MAF: variants seen among roughly 807,000 people sequenced by gnomAD.
MAF encodes the protein MAF bZIP transcription factor.
A neutral mutation model predicts 22.0 loss-of-function variants in MAF; 10 were observed. The ratio of observed to expected loss-of-function variants is 0.45; its 90% CI spans 0.28 to 0.77. The LOEUF is 0.77. Among genes scored for constraint, MAF ranks in the 30% least tolerant of loss-of-function variants. The pLI is 0.12. For synonymous variants in MAF, 337 were observed against 255.8 expected (o/e 1.32, Z -3.03); for missense variants, 544 against 548.4 (o/e 0.99, Z 0.08).
the MAF span, among the ~76,000 whole-genome samples, chr16:79,537,209 G>C: frequency 6.6e-6 from 1 of 152,198 alleles, no homozygotes; most frequent in Non-Finnish European, 1.5e-5. Flanking sequence ...AGATAGCACA[G>C]AGTCACACTC....
the MAF span, among the ~76,000 whole-genome samples, chr16:79,570,300 C>A: frequency 2.0e-5 from 3 of 152,064 alleles, no homozygotes; most frequent in South Asian, 2.1e-4. Flanking sequence ...GTCCTGTTAT[C>A]CCCCCATCCC....
At chr16:79,475,277 AT>A in the MAF span, among the ~76,000 whole-genome samples, 6 of 151,546 alleles carry the variant, frequency 4.0e-5, no homozygotes, top group African/African-American at 1.5e-4. Flanking sequence ...ATAAGAAAAA[AT>A]ATATATATTA....
At chr16:79,442,474 C>T in the MAF span, among the ~76,000 whole-genome samples, 5 of 151,800 alleles carry the variant, frequency 3.3e-5, no homozygotes, top group East Asian at 1.9e-4. Context: ...TGGGCTCAAG[C>T]GATCCTCCCA....
At chr16:79,210,242 A>G in the MAF span, among the ~76,000 whole-genome samples, 17,319 of 152,210 alleles carry the variant, frequency 0.11, 1,361 homozygotes, top group African/African-American at 0.22. Flanking sequence ...AAACCAAACA[A>G]CAATGACAAC....
the MAF span, among the ~76,000 whole-genome samples, chr16:79,546,081 TG>T: frequency 1.3e-5 from 2 of 151,980 alleles, no homozygotes; most frequent in African/African-American, 4.8e-5. Flanking sequence ...ATCACTACAT[TG>T]GAAAAAATAA....
At chr16:79,215,172 G>T in the MAF span, among the ~76,000 whole-genome samples, 1 of 152,122 alleles carries the variant, frequency 6.6e-6, no homozygotes, top group Non-Finnish European at 1.5e-5. Flanking sequence ...TGATTTCAAG[G>T]TCATGCAGAT....
At chr16:79,555,613 C>T in the MAF span, among the ~76,000 whole-genome samples, 1 of 152,180 alleles carries the variant, frequency 6.6e-6, no homozygotes, top group Admixed American at 6.5e-5. Context: ...GTCCAAAATG[C>T]TCCAAAACTG....
chr16:79,518,077 C>CCT, the MAF span, among the ~76,000 whole-genome samples: 1 of 152,212 alleles, frequency 6.6e-6, no homozygotes, highest in African/African-American at 2.4e-5. Flanking sequence ...ATCCTATTAA[C>CCT]CTTTGTAGAC....
the MAF span, among the ~76,000 whole-genome samples, chr16:79,425,977 C>T: frequency 0.4 from 60,186 of 152,044 alleles, 13,051 homozygotes; most frequent in East Asian, 0.77. Flanking sequence ...GAGGCTGACA[C>T]AGGCGGATCA....
At chr16:79,486,694 G>C in the MAF span, among the ~76,000 whole-genome samples, 220 of 152,328 alleles carry the variant, frequency 1.4e-3, 3 homozygotes, top group East Asian at 0.026. Flanking sequence ...CTCCGAGACA[G>C]AGAGAGAGCA....
chr16:79,456,799 T>A, the MAF span, among the ~76,000 whole-genome samples: 146 of 152,314 alleles, frequency 9.6e-4, no homozygotes, highest in African/African-American at 3.2e-3. Flanking sequence ...GAGTCTCCTC[T>A]TCTTTTTGGG....
At chr16:79,594,920 A>T in intron 1 of MAF, 1 of 1,139,974 alleles carries the variant, frequency 8.8e-7, no homozygotes, top group Admixed American at 4.4e-5. Context: ...GTAGATTCCT[A>T]TCAAAATGCT....
the MAF span, among the ~76,000 whole-genome samples, chr16:79,376,283 C>T: frequency 6.6e-6 from 1 of 152,042 alleles, no homozygotes; most frequent in African/African-American, 2.4e-5. Flanking sequence ...AAATAGGTTG[C>T]ATCTATCTTA....
chr16:79,255,440 T>A, the MAF span, among the ~76,000 whole-genome samples: 3 of 152,212 alleles, frequency 2.0e-5, no homozygotes, highest in African/African-American at 7.2e-5. Context: ...TGCCTTCTTT[T>A]CAGAATGAAT....
At chr16:79,595,641 G>A in intron 1 of MAF, 1 of 1,057,524 alleles carries the variant, frequency 9.5e-7, no homozygotes, top group Non-Finnish European at 1.1e-6. Context: ...TCTTTCCAAG[G>A]GATCTTTAAG....
chr16:79,497,260 G>C, the MAF span, among the ~76,000 whole-genome samples: 1 of 152,114 alleles, frequency 6.6e-6, no homozygotes, highest in Non-Finnish European at 1.5e-5. Flanking sequence ...AGAAAAAAAG[G>C]CTTATTGTAA....
At chr16:79,596,166 G>A in intron 1 of MAF, 1 of 1,062,718 alleles carries the variant, frequency 9.4e-7, no homozygotes, top group East Asian at 5.1e-5. Context: ...GAAGTGTAGG[G>A]CCATGCTCAG....
At chr16:79,272,228 T>A in the MAF span, among the ~76,000 whole-genome samples, 1 of 152,156 alleles carries the variant, frequency 6.6e-6, no homozygotes, top group African/African-American at 2.4e-5. Context: ...TGAGCGGTGC[T>A]CTCTGTGTTT....
chr16:79,571,407 C>T, the MAF span, among the ~76,000 whole-genome samples: 1 of 152,054 alleles, frequency 6.6e-6, no homozygotes, highest in Non-Finnish European at 1.5e-5. Context: ...ATGCCAAATC[C>T]CTAAATTTAT....
Sources: allele counts gnomAD v4.1 joint callset (sites outside exome capture counted in the v4.1 genomes callset), GRCh38; gene constraint gnomAD v4.1.1; transcripts MANE v1.5; gene names NCBI Gene and HGNC (gene_info 2026-07-23, HGNC 2026-07-21).